Variants in CTNNA3 observed in about 807,000 individuals in gnomAD.
CTNNA3 encodes the protein catenin alpha 3.
A neutral mutation model predicts 95.7 loss-of-function variants in CTNNA3; 76 were observed. The observed-to-expected ratio is 0.79, with a 90% CI of 0.66 to 0.96. The LOEUF (loss-of-function observed/expected upper bound fraction) is 0.96, where lower values mean the gene tolerates loss of function less well. CTNNA3 is among the 40% of genes least tolerant of loss of function. The probability of loss-of-function intolerance (pLI) is 0.00; values close to 1 mark genes in which losing one functional copy is unlikely to be tolerated. For synonymous variants in CTNNA3, 431 were observed against 374.4 expected, an observed-to-expected ratio of 1.15 and a Z score of -1.74; for missense variants, 1,191 against 1,089.8, an observed-to-expected ratio of 1.09 and a Z score of -1.31.
chr10:66,782,648 T>C (rs12218758), intron 7 of CTNNA3, among the ~76,000 whole-genome samples: 103,821 of 151,978 alleles, frequency 0.68, 35,988 homozygotes, highest in East Asian at 1. Context: ...GTATCTACTA[T>C]AACACCTGAA....
At position 66,897,355 on chromosome 10, in the gene CTNNA3, T is replaced by C. The variant is rs142580664; in HGVS notation, c.1048-121831A>G. 3.6e-3 allele frequency among the ~76,000 whole-genome samples: 541 copies of C among 152,204 alleles called. 2 individuals carry two copies. The highest frequency in any genetic ancestry group is 0.012 in the African/African-American group (513 of 41,554). ...AAGGGACAAAGTAAAGCAAACAAGA[T>C]AAGTTACACTTCTCCAAATGTGCTT... is the stretch of plus-strand genomic sequence containing the variant. On this transcript the variant is annotated intron_variant, in intron 7 of 17. Coordinates refer to ENST00000433211, the MANE Select transcript of CTNNA3 (RefSeq NM_013266.4).
chr10:65,959,029 G>C (rs558898645), intron 17 of CTNNA3, among the ~76,000 whole-genome samples: 1 of 152,132 alleles, frequency 6.6e-6, no homozygotes, highest in East Asian at 1.9e-4. Flanking sequence ...CTTGAGCTGC[G>C]GTGGGCTCCA....
chr10:66,900,309 G>C (rs1845685210), intron 7 of CTNNA3, among the ~76,000 whole-genome samples: 1 of 152,110 alleles, frequency 6.6e-6, no homozygotes, highest in African/African-American at 2.4e-5. Flanking sequence ...CTAACAAACA[G>C]AAAGGAATAG....
intron 14 of CTNNA3, among the ~76,000 whole-genome samples, chr10:66,101,259 C>A (rs1185435536): frequency 1.3e-5 from 2 of 152,120 alleles, no homozygotes; most frequent in Non-Finnish European, 2.9e-5. Flanking sequence ...CACAAATTGG[C>A]TAGTAGAGGG....
At chr10:67,406,336 G>T (rs1005011082) in intron 5 of CTNNA3, among the ~76,000 whole-genome samples, 7 of 152,072 alleles carry the variant, frequency 4.6e-5, no homozygotes, top group African/African-American at 1.7e-4. Context: ...ACAACTGTTG[G>T]ATAAATAATA....
At position 66,911,015 on chromosome 10, in the gene CTNNA3, C is replaced by A. The variant is rs147643058; in HGVS notation, c.1048-135491G>T. Among the ~76,000 whole-genome samples, 541 of 152,264 alleles carry A rather than the reference C, an allele frequency of 3.6e-3. 2 individuals are homozygous for A. The highest frequency in any genetic ancestry group is 0.012 in the African/African-American group (513 of 41,554). On this transcript the variant is annotated intron_variant, in intron 7 of 17. Transcript: ENST00000433211. ...AACCAAATTTCAAACAAGAAGGAAG[C>A]AATAATTCTTTTGTTTACCTTGTTA...
chr10:65,917,826 T>C lies in CTNNA3; in HGVS notation c.*2504A>G, dbSNP rs1044857754. 1.3e-5 allele frequency: 2 copies of C among 152,180 alleles called. No homozygotes were observed. Among genetic ancestry groups the C allele is most frequent in the Non-Finnish European group, 2.9e-5 (2 of 68,030 alleles). 9.4% of individuals were successfully genotyped at this position (152,180 alleles called of 1,614,324 possible). A position where few individuals can be genotyped will look rare whatever the true frequency, so the allele number is the denominator to read the frequency against. ...GTTTTTAACATAATGGGGAGATTTATTCATATCTTGCTGCTAGTTTTTCTT... is the reference window on the plus strand; with the variant it reads ...GTTTTTAACATAATGGGGAGATTTACTCATATCTTGCTGCTAGTTTTTCTT... On this transcript the variant is annotated 3_prime_UTR_variant, in exon 18 of 18. Coordinates refer to ENST00000433211, the MANE Select transcript of CTNNA3 (RefSeq NM_013266.4).
intron 13 of CTNNA3, among the ~76,000 whole-genome samples, chr10:66,177,029 G>A (rs912424263): frequency 4.6e-5 from 7 of 151,992 alleles, no homozygotes; most frequent in African/African-American, 1.2e-4. Flanking sequence ...GGGATCAGAC[G>A]GTAACATAAT....
At chr10:66,627,527 A>C (rs527282453) in intron 9 of CTNNA3, among the ~76,000 whole-genome samples, 1 of 152,300 alleles carries the variant, frequency 6.6e-6, no homozygotes, top group Non-Finnish European at 1.5e-5. Context: ...CAACCAGAGA[A>C]CCACGATTCT....
chr10:66,689,931 T>C (rs1317333527), intron 9 of CTNNA3, among the ~76,000 whole-genome samples: 1 of 152,094 alleles, frequency 6.6e-6, no homozygotes, highest in East Asian at 1.9e-4. Context: ...GAAGGCAAAA[T>C]GCTACAGATC....
Position 67,607,045 on chromosome 10 carries a change from G to T in CTNNA3, c.104C>A (p.Thr35Asn), listed in dbSNP as rs868553037. ...KLLEPLIIQV[T>N]TLVNCPQNPS... ...GTTCTGGGGACAGTTTACAAGTGTG[G>T]TAACCTAAAATTGGAAAAATACAAA... Residue 35 changes from threonine to asparagine, a missense_variant, in exon 3 of 18, where the codon ACC becomes AAC. Transcript: ENST00000433211. The T allele has an allele frequency of 1.2e-6, 2 of 1,608,894 alleles. No individual in the cohort carries two copies. The highest frequency in any genetic ancestry group is 2.7e-5 in the African/African-American group (2 of 74,590).
chr10:67,050,077 G>T (rs776825169), intron 7 of CTNNA3, among the ~76,000 whole-genome samples: 3 of 152,148 alleles, frequency 2.0e-5, no homozygotes, highest in Non-Finnish European at 4.4e-5. Flanking sequence ...TTCACATAAA[G>T]ATATAAAGCT....
chr10:67,347,575 A>G (rs1247162095), intron 5 of CTNNA3, among the ~76,000 whole-genome samples: 1 of 152,198 alleles, frequency 6.6e-6, no homozygotes, highest in African/African-American at 2.4e-5. Flanking sequence ...TCCTTGTAGA[A>G]TTTGAGTCTG....
chr10:67,245,482 A>C (rs990324185), intron 5 of CTNNA3, among the ~76,000 whole-genome samples: 2 of 152,190 alleles, frequency 1.3e-5, no homozygotes, highest in Non-Finnish European at 2.9e-5. Flanking sequence ...ATGAACAGCA[A>C]CCCAAATCAA....
chr10:66,972,633 T>A (rs968996984), intron 7 of CTNNA3, among the ~76,000 whole-genome samples: 1 of 151,432 alleles, frequency 6.6e-6, no homozygotes, highest in Non-Finnish European at 1.5e-5. Context: ...AAGTAAGACA[T>A]GAACATAAGC....
intron 15 of CTNNA3, among the ~76,000 whole-genome samples, chr10:66,067,783 T>C (rs995780651): frequency 1.3e-5 from 2 of 151,838 alleles, no homozygotes; most frequent in Admixed American, 6.6e-5. Flanking sequence ...GGGTGTGGTG[T>C]TGTGCGCCTG....
chr10:65,946,840 C>CA (rs11338218), intron 17 of CTNNA3, among the ~76,000 whole-genome samples: 8 of 151,776 alleles, frequency 5.3e-5, no homozygotes, highest in East Asian at 3.9e-4. Context: ...TTAATCTTGC[C>CA]AAAAAAATGA....
intron 12 of CTNNA3, among the ~76,000 whole-genome samples, chr10:66,299,941 G>T (rs1284866739): frequency 6.6e-6 from 1 of 152,094 alleles, no homozygotes; most frequent in Non-Finnish European, 1.5e-5. Context: ...TGCCCAGGCT[G>T]GAGCACAATG....
At position 66,927,392 on chromosome 10, in the gene CTNNA3, T is replaced by A; in HGVS notation, c.1048-151868A>T. 6.2e-7 allele frequency: 1 copy of A among 1,614,172 alleles called. No individual in the cohort carries two copies. Among genetic ancestry groups the A allele is most frequent in the Non-Finnish European group, 8.5e-7 (1 of 1,180,026 alleles). The stretch of plus-strand genomic sequence containing the variant: ...GAACAGTTTCGGGGCTTGCGGAAGC[T>A]GCTGAGTTTACATTTACGGTCTAAC... On this transcript the variant is annotated intron_variant, in intron 7 of 17. Coordinates refer to ENST00000433211, the MANE Select transcript of CTNNA3 (RefSeq NM_013266.4). This position sits in a 1 kb window ranked among gnomAD's most constrained non-coding sequence, Gnocchi z 4.7.
Sources: allele counts gnomAD v4.1 joint callset (sites outside exome capture counted in the v4.1 genomes callset), GRCh38; gene constraint gnomAD v4.1.1; non-coding constraint Gnocchi (gnomAD v3.1); transcripts MANE v1.5; gene names NCBI Gene and HGNC (gene_info 2026-07-23, HGNC 2026-07-21).